The following UBR2 variants were observed in gnomAD, a reference collection of about 807,000 sequenced individuals.
The protein encoded by UBR2 is ubiquitin protein ligase E3 component n-recognin 2, also known as E3 ubiquitin-protein ligase UBR2.
Under a neutral mutation model 247.9 loss-of-function variants are expected in UBR2, and 92 were observed. The observed-to-expected ratio is 0.37, with a 90% confidence interval of 0.31 to 0.44. The LOEUF is 0.44. UBR2 is among the 20% of genes least tolerant of loss of function. UBR2 has a pLI of 1.00. For missense variants in UBR2, 1,613 were observed against 2,112.6 expected (o/e 0.76, Z 4.64); for synonymous variants, 672 against 693.5 (o/e 0.97, Z 0.49).
rs1796356666 is a variant in UBR2 at position 42,640,386 on chromosome 6, GTGT to G, written c.1920+117_1920+119del. 1.0e-3 allele frequency: 480 copies of G among 461,298 alleles called. 31 individuals carry two copies. Among genetic ancestry groups the G allele is most frequent in the African/African-American group, 5.0e-3 (221 of 44,292 alleles). The allele number at this position is 461,298 out of a possible 1,614,324, so 28.6% of individuals were successfully genotyped here. On this transcript the variant is annotated intron_variant, in intron 16 of 46. Transcript: ENST00000372901. ...TCCAGAGGAACAGAACCAGTAAGGT[GTGT>G]GTGTGTGTGTGTGTGTGTGTGTGTG...
At chr6:42,615,003 T>G in intron 8 of UBR2, 68 bp from the exon 9 acceptor site, 1 of 1,327,926 alleles carries the variant, frequency 7.5e-7, no homozygotes, top group Non-Finnish European at 1.1e-6. Context: ...CATTTGAACA[T>G]CTACTAAAAT....
chr6:42,564,867 T>C (rs1790685003), intron 1 of UBR2, among the ~76,000 whole-genome samples: 1 of 152,208 alleles, frequency 6.6e-6, no homozygotes, highest in Non-Finnish European at 1.5e-5. Context: ...TCTTTTGTTT[T>C]TGGGACTGCC....
chr6:42,567,276 A>G (rs1229232978), intron 1 of UBR2, among the ~76,000 whole-genome samples: 1 of 152,180 alleles, frequency 6.6e-6, no homozygotes, highest in African/African-American at 2.4e-5. Context: ...TGACTCTTTA[A>G]TATTTGTAAG....
chr6:42,573,091 A>G (rs897705347), intron 1 of UBR2, among the ~76,000 whole-genome samples: 12 of 152,114 alleles, frequency 7.9e-5, no homozygotes, highest in African/African-American at 1.2e-4. Context: ...GTTGGTACCT[A>G]TGAGATCTAA....
intron 4 of UBR2, among the ~76,000 whole-genome samples, chr6:42,599,761 C>T (rs1793239408): frequency 6.6e-6 from 1 of 151,958 alleles, no homozygotes; most frequent in Non-Finnish European, 1.5e-5. Context: ...GCGATTTCTC[C>T]CCCTTCAGCC....
chr6:42,622,405 G>GTTTTTTTTTCTTTTT (rs1554252789), intron 11 of UBR2, among the ~76,000 whole-genome samples: 1 of 138,794 alleles, frequency 7.2e-6, no homozygotes, highest in African/African-American at 2.7e-5. Flanking sequence ...TTTTTGGTGG[G>GTTTTTTTTTCTTTTT]TTTTTTTTTT....
At chr6:42,576,961 G>A (rs768798940) in intron 2 of UBR2, among the ~76,000 whole-genome samples, 4 of 152,156 alleles carry the variant, frequency 2.6e-5, no homozygotes, top group Non-Finnish European at 5.9e-5. Flanking sequence ...TACCTCCCTG[G>A]AAACCAGATC....
chr6:42,606,855 A>T (rs1793736113), intron 7 of UBR2, among the ~76,000 whole-genome samples: 1 of 152,150 alleles, frequency 6.6e-6, no homozygotes, highest in Non-Finnish European at 1.5e-5. Flanking sequence ...GAGTATTTAG[A>T]TAAGATATAT....
chr6:42,608,009 A>T (rs1793826280), intron 7 of UBR2, among the ~76,000 whole-genome samples: 2 of 152,090 alleles, frequency 1.3e-5, no homozygotes, highest in African/African-American at 4.8e-5. Flanking sequence ...ATAGTATTTC[A>T]TGATGATTAA....
chr6:42,663,328 G>A lies in UBR2; in HGVS notation c.3607G>A (p.Val1203Ile), dbSNP rs1416493602. Residue 1203 changes from valine (V) to isoleucine (I), a missense_variant, in exon 32 of 47, where the codon GTA (valine) becomes ATA (isoleucine). Val to Ile is a conservative substitution (Grantham distance 29). Transcript: ENST00000372901. The part of the protein sequence containing the change: ...QRLRLHTSYD[V>I]ENGEFLCPLC... Reference sequence around the variant, plus strand: ...ATTACGCTTACATACGAGCTATGATGTAGAAAACGGAGAATTCCTTTGCCC... The same window carrying A: ...ATTACGCTTACATACGAGCTATGATATAGAAAACGGAGAATTCCTTTGCCC... The A allele has an allele frequency of 3.1e-6, 5 of 1,613,840 alleles. No individual in the cohort carries two copies. The highest frequency in any genetic ancestry group is 4.2e-6 in the Non-Finnish European group (5 of 1,179,952).
At chr6:42,662,385 G>GA (rs1797867059) in intron 31 of UBR2, 108 bp downstream of exon 31, 6 of 680,622 alleles carry the variant, frequency 8.8e-6, no homozygotes, top group South Asian at 2.1e-5. Context: ...TAAAAATGTT[G>GA]AAAAAATCCG....
At chr6:42,585,526 G>A (rs1485812595) in intron 2 of UBR2, among the ~76,000 whole-genome samples, 1 of 152,142 alleles carries the variant, frequency 6.6e-6, no homozygotes, top group Non-Finnish European at 1.5e-5. Flanking sequence ...TTTCTTAAAT[G>A]TTTGATAGAA....
chr6:42,586,538 C>CTTTTTTTTTTTTTTTTTTTTTTTTT (rs147830824), intron 2 of UBR2, among the ~76,000 whole-genome samples: 3 of 97,256 alleles, frequency 3.1e-5, no homozygotes, highest in African/African-American at 4.3e-5. Context: ...GTTTGTCTCT[C>CTTTTTTTTTTTTTTTTTTTTTTTTT]TTTTTTTTTT....
At chr6:42,651,945 A>T (rs986037962) in intron 23 of UBR2, 78 bp from the exon 24 acceptor site, 101 of 1,394,028 alleles carry the variant, frequency 7.2e-5, no homozygotes, top group Non-Finnish European at 8.3e-5. Context: ...CCCCACCTCT[A>T]CTAAAAATAT....
chr6:42,611,191 G>A (rs1317544426), intron 7 of UBR2, among the ~76,000 whole-genome samples: 6 of 150,730 alleles, frequency 4.0e-5, no homozygotes, highest in Non-Finnish European at 7.4e-5. Context: ...GGCTGGGCGC[G>A]GTGGCTCACG....
intron 13 of UBR2, among the ~76,000 whole-genome samples, chr6:42,633,945 G>A (rs950612771): frequency 2.6e-5 from 4 of 151,888 alleles, no homozygotes; most frequent in African/African-American, 7.3e-5. Flanking sequence ...TGTCCAGGCT[G>A]ATTTCAAACT....
intron 5 of UBR2, among the ~76,000 whole-genome samples, chr6:42,604,258 A>C (rs1793558500): frequency 6.6e-6 from 1 of 152,184 alleles, no homozygotes; most frequent in East Asian, 1.9e-4. Flanking sequence ...CAGATATATT[A>C]AGATGAGGGC....
intron 5 of UBR2, among the ~76,000 whole-genome samples, chr6:42,604,133 T>C (rs1229284969): frequency 1.3e-5 from 2 of 152,234 alleles, no homozygotes; most frequent in African/African-American, 4.8e-5. Flanking sequence ...TTAATCATTT[T>C]GATTCGAACT....
intron 5 of UBR2, among the ~76,000 whole-genome samples, chr6:42,604,672 AAGG>A (rs1562301019): frequency 6.6e-6 from 1 of 152,164 alleles, no homozygotes; most frequent in Non-Finnish European, 1.5e-5. Flanking sequence ...AGTGAACTTT[AAGG>A]CAAATTCTGA....
Sources: gnomAD v4.1 joint callset for allele counts (sites outside exome capture counted in the v4.1 genomes callset) on GRCh38, gnomAD v4.1.1 for gene constraint, MANE v1.5 for transcripts, NCBI Gene and HGNC (gene_info 2026-07-23, HGNC 2026-07-21) for gene names.